Variants in SLC2A14 observed in about 807,000 individuals in gnomAD.
The protein encoded by SLC2A14 is solute carrier family 2 member 14.
A neutral mutation model predicts 43.0 loss-of-function variants in SLC2A14; 13 were observed. The observed-to-expected ratio is 0.30, with a 90% CI of 0.20 to 0.48. SLC2A14 has a LOEUF of 0.48. Among genes scored for constraint, SLC2A14 ranks in the 20% least tolerant of loss-of-function variants. The probability of loss-of-function intolerance (pLI) is 0.99; values close to 1 mark genes in which losing one functional copy is unlikely to be tolerated. For missense variants in SLC2A14, 428 were observed against 620.4 expected (o/e 0.69, Z 3.29); for synonymous variants, 190 against 233.8 (o/e 0.81, Z 1.71).
At chr12:7,821,830 T>TTC in intron 7 of SLC2A14, among the ~76,000 whole-genome samples, 1 of 147,466 alleles carries the variant, frequency 6.8e-6, no homozygotes, top group South Asian at 2.1e-4. Context: ...TCTTTCTTTT[T>TTC]TTTTTTTTTT....
intron 2 of SLC2A14, among the ~76,000 whole-genome samples, chr12:7,853,181 C>T (rs1477885954): frequency 6.6e-6 from 1 of 152,046 alleles, no homozygotes; most frequent in Non-Finnish European, 1.5e-5. Context: ...TGGCTCATGC[C>T]TGTAATCCCA....
chr12:7,842,311 C>T (rs1866021298), intron 2 of SLC2A14, among the ~76,000 whole-genome samples: 1 of 152,170 alleles, frequency 6.6e-6, no homozygotes, highest in Non-Finnish European at 1.5e-5. Context: ...GTTTTAGCAA[C>T]TACGAATAAA....
rs778481194 is a variant in SLC2A14, at chr12:7,881,587, A to G, written c.132+9409T>C. Among the ~76,000 whole-genome samples, 3 of 152,186 alleles carry G rather than the reference A, an allele frequency of 2.0e-5. No homozygotes were observed. The East Asian group carries it at 5.8e-4, about 29-fold the overall frequency. On this transcript the variant is annotated intron_variant, in intron 1 of 9. Transcript: ENST00000539924. ...CCCGCTCCACCTCCGTGGGCTCCTG[A>G]GCCTCCCCGACAAGCGCGGCCTCCT...
chr12:7,838,842 G>A (rs1423048618), intron 2 of SLC2A14, among the ~76,000 whole-genome samples: 3 of 152,224 alleles, frequency 2.0e-5, no homozygotes, highest in African/African-American at 7.2e-5. Context: ...TGGAGATGGA[G>A]CCTTTAAGGA....
intron 7 of SLC2A14, 138 bp downstream of exon 7, chr12:7,827,357 C>G: frequency 1.6e-6 from 2 of 1,287,666 alleles, no homozygotes; most frequent in Non-Finnish European, 2.1e-6. Flanking sequence ...CTCACTGCAA[C>G]CTTCGCCTCC....
intron 1 of SLC2A14, among the ~76,000 whole-genome samples, chr12:7,887,342 A>T (rs749117889): frequency 1.2e-4 from 18 of 152,188 alleles, no homozygotes; most frequent in Non-Finnish European, 2.2e-4. Context: ...AGAATTTTAA[A>T]ACAGATTCCT....
At chr12:7,832,373 A>G (rs1276924638) in intron 3 of SLC2A14, among the ~76,000 whole-genome samples, 1 of 152,182 alleles carries the variant, frequency 6.6e-6, no homozygotes, top group African/African-American at 2.4e-5. Context: ...AGGGTGAAAG[A>G]GTGGGAGGAA....
intron 1 of SLC2A14, among the ~76,000 whole-genome samples, chr12:7,885,604 T>C (rs1245108916): frequency 3.3e-5 from 5 of 151,980 alleles, no homozygotes; most frequent in Admixed American, 3.3e-4. Flanking sequence ...AGTGCTTCTC[T>C]AATTTAGTAT....
At chr12:7,856,383 A>G (rs1867376512) in intron 2 of SLC2A14, 1 of 152,154 alleles carries the variant, frequency 6.6e-6, no homozygotes, top group African/African-American at 2.4e-5. Flanking sequence ...TGGCCCATAT[A>G]AGTCCCGTGC....
intron 1 of SLC2A14, chr12:7,871,350 A>C: frequency 6.7e-6 from 5 of 747,572 alleles, no homozygotes; most frequent in South Asian, 3.6e-5. Flanking sequence ...ATCCTCATAC[A>C]TGGCGCCAAG....
At position 7,816,089 on chromosome 12, in the gene SLC2A14, ATTTTTTTTATTTTTTTTATTTTTTTT is replaced by A. The variant is rs1277416104; in HGVS notation, c.1276-1581_1276-1556del. Among the ~76,000 whole-genome samples the A allele has an allele frequency of 6.0e-3, 598 of 99,628 alleles. 8 individuals are homozygous for A. Among genetic ancestry groups the A allele is most frequent in the South Asian group, 0.011 (31 of 2,948 alleles). 65.4% of individuals were successfully genotyped at this position (99,628 alleles called of 152,430 possible). On this transcript the variant is annotated intron_variant, in intron 10 of 10. Coordinates refer to ENST00000431042, the MANE Select transcript of SLC2A14 (RefSeq NM_001286234.2). ...CTAATTTCTTGAATTTTTATTTTTT[ATTTTTTTTATTTTTTTTATTTTTTTT>A]GAGACGGAGTCTCGCTCTGTCGCCC...
chr12:7,814,658 A>T (rs1375247060), intron 10 of SLC2A14, 124 bp from the exon 11 acceptor site: 1 of 1,059,736 alleles, frequency 9.4e-7, no homozygotes, highest in African/African-American at 1.6e-5. Context: ...TAATGAAAAC[A>T]TAAAGGTTTC....
chr12:7,862,472 C>T (rs748162592), intron 2 of SLC2A14, among the ~76,000 whole-genome samples: 2 of 152,108 alleles, frequency 1.3e-5, no homozygotes, highest in African/African-American at 2.4e-5. Flanking sequence ...CTTCCCACCC[C>T]CTCTGTGGCC....
chr12:7,879,004 AAC>A (rs1555149645), intron 1 of SLC2A14, among the ~76,000 whole-genome samples: 27 of 138,924 alleles, frequency 1.9e-4, no homozygotes, highest in African/African-American at 6.5e-4. Context: ...AAAAAAAAAA[AAC>A]AATTTGTCTT....
upstream of SLC2A14, chr12:7,873,082 T>C (rs7309061): frequency 0.88 from 863,760 of 985,392 alleles, 379,268 homozygotes; most frequent in South Asian, 0.96. Flanking sequence ...GCTTCTCACC[T>C]GCGCACCGCA....
At chr12:7,863,870 C>T (rs895658801) in intron 2 of SLC2A14, among the ~76,000 whole-genome samples, 2 of 149,906 alleles carry the variant, frequency 1.3e-5, no homozygotes, top group African/African-American at 2.5e-5. Flanking sequence ...GGCTGGGGTG[C>T]AGTGGCATGA....
chr12:7,845,704 G>A (rs886350521), intron 2 of SLC2A14, among the ~76,000 whole-genome samples: 9 of 151,202 alleles, frequency 6.0e-5, no homozygotes, highest in Non-Finnish European at 1.2e-4. Flanking sequence ...GCATGAACCC[G>A]GGAGGCAGAG....
chr12:7,822,121 G>A (rs1378520282), intron 7 of SLC2A14, among the ~76,000 whole-genome samples: 3 of 151,726 alleles, frequency 2.0e-5, no homozygotes, highest in Non-Finnish European at 4.4e-5. Flanking sequence ...ACCACGCCTG[G>A]CCAATTTTTG....
intron 2 of SLC2A14, among the ~76,000 whole-genome samples, chr12:7,844,878 T>C (rs1866329457): frequency 6.6e-6 from 1 of 152,160 alleles, no homozygotes; most frequent in Non-Finnish European, 1.5e-5. Flanking sequence ...GCTACATCTT[T>C]GTCTTAATAT....
Sources: allele counts gnomAD v4.1 joint callset (sites outside exome capture counted in the v4.1 genomes callset), GRCh38; gene constraint gnomAD v4.1.1; transcripts MANE v1.5; gene names NCBI Gene and HGNC (gene_info 2026-07-23, HGNC 2026-07-21).